Variants in VWCE observed in about 807,000 individuals in gnomAD.
VWCE encodes the protein von Willebrand factor C and EGF domains.
A neutral mutation model predicts 102.9 loss-of-function variants in VWCE; 68 were observed. The ratio of observed to expected loss-of-function variants is 0.66; its 90% CI spans 0.54 to 0.81. VWCE has a LOEUF of 0.81. Ranked by LOEUF, VWCE falls within the 30% of genes least tolerant of loss-of-function variation. The pLI, the probability that VWCE is intolerant of heterozygous loss-of-function variation, is 0.00. For synonymous variants in VWCE, 497 were observed against 515.4 expected, an observed-to-expected ratio of 0.96 and a Z score of 0.48; for missense variants, 1,137 against 1,263.6, an observed-to-expected ratio of 0.90 and a Z score of 1.52.
At chr11:61,267,427 T>G in intron 16 of VWCE, 35 bp downstream of exon 16, 1 of 1,606,666 alleles carries the variant, frequency 6.2e-7, no homozygotes, top group Non-Finnish European at 8.5e-7. Flanking sequence ...TGGGGGAGTT[T>G]CCAGGGGCGG....
rs750779266 is a variant in VWCE, at chr11:61,274,563, C to T, written c.1517G>A (p.Arg506Gln). 14 of 1,613,890 alleles carry T rather than the reference C, an allele frequency of 8.7e-6. No homozygotes were observed. The highest frequency in any genetic ancestry group is 2.2e-5 in the South Asian group (2 of 91,048). Residue 506 changes from arginine (R) to glutamine (Q), a missense_variant, in exon 12 of 20, where the codon CGG (arginine) becomes CAG (glutamine). By Grantham distance (43) the Arg-to-Gln change is conservative. Around this residue, in one of 5 missense-constraint regions of VWCE, gnomAD observed 212 missense variants for 235.1 expected, o/e 0.90. Transcript: ENST00000335613. The stretch of plus-strand genomic sequence containing the variant: ...GAACACAGCCCCGTCTGCGTACCAC[C>T]GGCCGTGGAAATAGCATCTCACTGC... ...CVPVRCYFHG[R>Q]WYADGAVFSG...
rs947288741 is a variant in VWCE, at chr11:61,259,009, G to C, written c.2534C>G (p.Ser845Ter). The C allele has an allele frequency of 1.4e-5, 23 of 1,613,652 alleles. No homozygotes were observed. Among genetic ancestry groups the C allele is most frequent in the Non-Finnish European group, 1.9e-5 (22 of 1,179,774 alleles). ...PGEPGASPRL[S>*]PGPSTPPGAP... is the part of the protein sequence containing the mutation. Reference sequence around the variant, plus strand: ...TCCTGGAGGGGTCGAAGGCCCTGGTGAGAGTCGAGGGGAGGCCCCAGGCTC... The same window carrying C: ...TCCTGGAGGGGTCGAAGGCCCTGGTCAGAGTCGAGGGGAGGCCCCAGGCTC... Residue 845 changes from serine (S) to a stop codon, truncating the protein, a stop_gained, in exon 20 of 20, where the codon TCA (serine) becomes TGA (stop). Coordinates refer to ENST00000335613, the MANE Select transcript of VWCE (RefSeq NM_152718.2). LOFTEE classifies it low-confidence loss of function (END_TRUNC).
In VWCE at chr11:61,294,936, C is replaced by T. The variant is rs1462701787; in HGVS notation, c.102G>A (p.Ala34=). 2.8e-6 allele frequency: 4 copies of T among 1,439,952 alleles called. No individual in the cohort carries two copies. The highest frequency in any genetic ancestry group is 1.4e-5 in the South Asian group (1 of 73,782). The allele number at this position is 1,439,952 out of a possible 1,614,324, so 89.2% of individuals were successfully genotyped here. Residue 34 remains alanine, a synonymous_variant, in exon 1 of 20, where the codon GCG becomes GCA. Transcript: ENST00000335613. This position sits in a 1 kb window ranked among gnomAD's most constrained non-coding sequence, Gnocchi z 6.3. The stretch of plus-strand genomic sequence containing the variant: ...GAGCTCCGGGCGCTTACCTCTCGGC[C>T]GCGAAGTGCCCGGGCGGCTTCCTCC... ...YTGRKPPGHF[A]AERRRLGPHV...
Position 61,259,071 on chromosome 11 carries a change from G to T in VWCE, c.2472C>A (p.His824Gln), listed in dbSNP as rs939171261. The stretch of plus-strand genomic sequence containing the variant: ...TGGCTGTCAGCCCCAAAGCGAGTGA[G>T]TGTGGACCATGAGCTCCTGCCGGGC... ...PTSPAGAHGPHSLALGLTATF... is the reference protein window; with the variant it reads ...PTSPAGAHGPQSLALGLTATF... The change falls in exon 20 of 20, where the codon CAC (histidine) becomes CAA (glutamine). Residue 824 changes from histidine to glutamine, a missense_variant. This residue lies in a region of VWCE where 316 missense variants were observed against 319.3 expected (regional missense o/e 0.99). Coordinates refer to ENST00000335613, the MANE Select transcript of VWCE (RefSeq NM_152718.2). 6.2e-7 allele frequency: 1 copy of T among 1,614,028 alleles called. No homozygotes were observed. The highest frequency in any genetic ancestry group is 8.5e-7 in the Non-Finnish European group (1 of 1,179,902).
chr11:61,286,118 C>T lies in VWCE; in HGVS notation c.541+196G>A, dbSNP rs74687198. 3.4e-3 allele frequency: 2,193 copies of T among 638,188 alleles called. 38 individuals carry two copies. The African/African-American group carries it at 0.036, about 10-fold the overall frequency. 39.5% of individuals were successfully genotyped at this position (638,188 alleles called of 1,614,324 possible). A position where few individuals can be genotyped will look rare whatever the true frequency, so the allele number is the denominator to read the frequency against. On this transcript the variant is annotated intron_variant, in intron 5 of 19. Transcript: ENST00000335613. Reference sequence around the variant, plus strand: ...AAACTCTGACTCCACCTCTTACTAACGACTTGGCCTTGGGCAAGCCTCAGT... The same window carrying T: ...AAACTCTGACTCCACCTCTTACTAATGACTTGGCCTTGGGCAAGCCTCAGT...
chr11:61,291,748 G>A (rs1043336575), intron 1 of VWCE, among the ~76,000 whole-genome samples, 172 bp from the exon 2 acceptor site: 4 of 152,212 alleles, frequency 2.6e-5, no homozygotes, highest in African/African-American at 4.8e-5. Context: ...TCTCCTGGAG[G>A]CAAGACAGAG....
intron 4 of VWCE, among the ~76,000 whole-genome samples, chr11:61,287,691 G>C (rs977250669): frequency 6.6e-6 from 1 of 152,174 alleles, no homozygotes; most frequent in African/African-American, 2.4e-5. Flanking sequence ...CTGGAAGAGC[G>C]ACTGGCTGAG....
Position 61,265,340 on chromosome 11 carries a change from G to C in VWCE, c.1966-128C>G, listed in dbSNP as rs190310594. 6.4e-4 allele frequency: 498 copies of C among 781,724 alleles called. 2 individuals are homozygous for C. The African/African-American group carries it at 7.5e-3, about 12-fold the overall frequency. 48.4% of individuals were successfully genotyped at this position (781,724 alleles called of 1,614,324 possible). ...CAACATTGTGGGAGGAGTCCATGGTGGGGCAGTGGGGCAGGGGGCGCATTT... is the reference window on the plus strand; with the variant it reads ...CAACATTGTGGGAGGAGTCCATGGTCGGGCAGTGGGGCAGGGGGCGCATTT... On this transcript the variant is annotated intron_variant, in intron 16 of 19. Coordinates refer to ENST00000335613, the MANE Select transcript of VWCE (RefSeq NM_152718.2).
intron 19 of VWCE, among the ~76,000 whole-genome samples, chr11:61,262,677 C>T (rs1051097860): frequency 6.6e-6 from 1 of 152,152 alleles, no homozygotes; most frequent in African/African-American, 2.4e-5. Context: ...TCATCATCCA[C>T]AGATCTGAAG....
Position 61,272,109 on chromosome 11 carries a change from GAC to G in VWCE, c.1700-351_1700-350del, listed in dbSNP as rs574619076. 1.5e-4 allele frequency among the ~76,000 whole-genome samples: 22 copies of G among 147,732 alleles called. 1 individual carries two copies. In the South Asian group the frequency reaches 4.8e-3, roughly 32 times the overall value. ...TGCATACACACACAGATACAACACA[GAC>G]ACACATGCACACAGACACACACATA... On this transcript the variant is annotated intron_variant, in intron 13 of 19. Coordinates refer to ENST00000335613, the MANE Select transcript of VWCE (RefSeq NM_152718.2).
At chr11:61,276,716 G>C (rs1442386844) in intron 10 of VWCE, 36 bp from the exon 11 acceptor site, 1 of 1,534,288 alleles carries the variant, frequency 6.5e-7, no homozygotes, top group Non-Finnish European at 8.8e-7. Context: ...TGGGGGTGCG[G>C]GTGTGGAACA....
At chr11:61,281,679 G>A (rs1855140185) in intron 7 of VWCE, 107 bp downstream of exon 7, 2 of 1,394,582 alleles carry the variant, frequency 1.4e-6, no homozygotes, top group South Asian at 1.5e-5. Context: ...GCGTGGCTGG[G>A]CGCCGGGAGG....
rs1196319048 is a variant in VWCE, at chr11:61,259,070, A to G, written c.2473T>C (p.Ser825Pro). Reference sequence around the variant, plus strand: ...GTGGCTGTCAGCCCCAAAGCGAGTGAGTGTGGACCATGAGCTCCTGCCGGG... The same window carrying G: ...GTGGCTGTCAGCCCCAAAGCGAGTGGGTGTGGACCATGAGCTCCTGCCGGG... ...TSPAGAHGPH[S>P]LALGLTATFP... The change falls in exon 20 of 20, where the codon TCA becomes CCA. Residue 825 changes from serine (S) to proline (P), a missense_variant. Around this residue, in one of 5 missense-constraint regions of VWCE, gnomAD observed 316 missense variants for 319.3 expected, o/e 0.99. Coordinates refer to ENST00000335613, the MANE Select transcript of VWCE (RefSeq NM_152718.2). 6.2e-7 allele frequency: 1 copy of G among 1,613,892 alleles called. No individual in the cohort carries two copies. The highest frequency in any genetic ancestry group is 1.1e-5 in the South Asian group (1 of 91,078).
intron 14 of VWCE, among the ~76,000 whole-genome samples, chr11:61,270,257 C>G (rs1321947940): frequency 6.6e-6 from 1 of 152,176 alleles, no homozygotes; most frequent in African/African-American, 2.4e-5. Context: ...ATCGAAGGCA[C>G]TAGAAGGCTG....
At chr11:61,266,396 G>GC (rs1308121384) in intron 16 of VWCE, among the ~76,000 whole-genome samples, 1 of 151,922 alleles carries the variant, frequency 6.6e-6, no homozygotes, top group Admixed American at 6.6e-5. Context: ...TTTTTAATTA[G>GC]CCAGGTGTGG....
chr11:61,285,625 A>C (rs1036735914), intron 5 of VWCE, among the ~76,000 whole-genome samples: 1 of 152,112 alleles, frequency 6.6e-6, no homozygotes, highest in Non-Finnish European at 1.5e-5. Flanking sequence ...CTCGGGACTC[A>C]TGGCCTGAGT....
chr11:61,286,239 C>T (rs1855315222), intron 5 of VWCE, 75 bp downstream of exon 5: 5 of 1,389,586 alleles, frequency 3.6e-6, no homozygotes, highest in South Asian at 3.5e-5. Flanking sequence ...CTGCACTGGG[C>T]ATGGCAGGGC....
At position 61,291,513 on chromosome 11, in the gene VWCE, C is replaced by T. The variant is rs751123400; in HGVS notation, c.174G>A (p.Ala58=). ...TGCAGTGCCCACCACCCATAGAGGGCGCCCAGCCAGGGCAGCAGCCACTCC... is the reference window on the plus strand; with the variant it reads ...TGCAGTGCCCACCACCCATAGAGGGTGCCCAGCCAGGGCAGCAGCCACTCC... ...GFGSGCCPGW[A]PSMGGGHCTL... The change falls in exon 2 of 20, where the codon GCG becomes GCA. Residue 58 remains alanine (A), a synonymous_variant. Coordinates refer to ENST00000335613, the MANE Select transcript of VWCE (RefSeq NM_152718.2). 141 of 1,526,458 alleles carry T rather than the reference C, an allele frequency of 9.2e-5. No homozygotes were observed. In the Admixed American group the frequency reaches 2.0e-3, roughly 22 times the overall value. 94.6% of individuals were successfully genotyped at this position (1,526,458 alleles called of 1,614,324 possible).
At chr11:61,281,313 TCCA>T (rs1372606943) in intron 7 of VWCE, 78 bp from the exon 8 acceptor site, 20 of 1,531,374 alleles carry the variant, frequency 1.3e-5, no homozygotes, top group Admixed American at 1.8e-5. Context: ...TGGGCTCGGC[TCCA>T]CCACCACAAG....
Sources: allele counts gnomAD v4.1 joint callset (sites outside exome capture counted in the v4.1 genomes callset), GRCh38; gene constraint gnomAD v4.1.1; regional missense constraint gnomAD v4.1.1; non-coding constraint Gnocchi (gnomAD v3.1); transcripts MANE v1.5; gene names NCBI Gene and HGNC (gene_info 2026-07-23, HGNC 2026-07-21).